NEDD4L: variants seen among roughly 807,000 people sequenced by gnomAD.
NEDD4L encodes the protein NEDD4 like E3 ubiquitin protein ligase, also known as E3 ubiquitin-protein ligase NEDD4-like.
In NEDD4L, 54 loss-of-function variants were observed where a neutral mutation model predicts 148.9. The ratio of observed to expected loss-of-function variants is 0.36; its 90% CI spans 0.29 to 0.45. NEDD4L has a LOEUF of 0.45. Ranked by LOEUF, NEDD4L falls within the 20% of genes least tolerant of loss-of-function variation. NEDD4L has a pLI of 1.00. For missense variants in NEDD4L, 856 were observed against 1,233.8 expected (o/e 0.69, Z 4.59); for synonymous variants, 433 against 440.7 (o/e 0.98, Z 0.22).
At chr18:58,191,326 C>G (rs916954380) in intron 2 of NEDD4L, among the ~76,000 whole-genome samples, 1 of 152,118 alleles carries the variant, frequency 6.6e-6, no homozygotes, top group African/African-American at 2.4e-5. Flanking sequence ...ATTTGACATG[C>G]TTTATTGCTG....
intron 2 of NEDD4L, among the ~76,000 whole-genome samples, chr18:58,237,815 T>G (rs158860): frequency 0.65 from 99,459 of 152,048 alleles, 33,311 homozygotes; most frequent in East Asian, 0.87. Flanking sequence ...TTGCCCCCTG[T>G]CTCCCAGGGG....
intron 1 of NEDD4L, among the ~76,000 whole-genome samples, chr18:58,118,355 G>A (rs2085994665): frequency 6.6e-6 from 1 of 152,236 alleles, no homozygotes; most frequent in Non-Finnish European, 1.5e-5. Context: ...GAACATTTTT[G>A]AGTAGATAAA....
intron 1 of NEDD4L, among the ~76,000 whole-genome samples, chr18:58,141,776 T>G (rs2033536886): frequency 6.6e-6 from 1 of 152,208 alleles, no homozygotes; most frequent in African/African-American, 2.4e-5. Flanking sequence ...AAAGTATACC[T>G]TGCCTGTCTC....
intron 1 of NEDD4L, among the ~76,000 whole-genome samples, chr18:58,097,878 A>G (rs2084518102): frequency 6.6e-6 from 1 of 152,088 alleles, no homozygotes. Context: ...CAAAAAATAA[A>G]AAATTAGCTG....
chr18:58,307,645 A>T (rs2057221264), intron 5 of NEDD4L, among the ~76,000 whole-genome samples: 1 of 152,172 alleles, frequency 6.6e-6, no homozygotes, highest in Non-Finnish European at 1.5e-5. Context: ...GACATTCTAC[A>T]TATCCCAACT....
At chr18:58,151,182 T>C (rs916754484) in intron 1 of NEDD4L, among the ~76,000 whole-genome samples, 3 of 152,192 alleles carry the variant, frequency 2.0e-5, no homozygotes, top group Non-Finnish European at 2.9e-5. Flanking sequence ...GACGGGTCTG[T>C]CTGGTACAGC....
chr18:58,145,112 AC>A (rs2033966112), intron 1 of NEDD4L, among the ~76,000 whole-genome samples: 1 of 151,970 alleles, frequency 6.6e-6, no homozygotes, highest in Non-Finnish European at 1.5e-5. Flanking sequence ...ACGACATCGG[AC>A]CCCACTGCCG....
intron 1 of NEDD4L, among the ~76,000 whole-genome samples, chr18:58,056,376 A>G (rs2082085561): frequency 6.6e-6 from 1 of 152,172 alleles, no homozygotes; most frequent in Admixed American, 6.5e-5. Context: ...AAGATAATTG[A>G]TAGTTGTCAT....
At chr18:58,072,281 C>A (rs934983817) in intron 1 of NEDD4L, among the ~76,000 whole-genome samples, 3 of 152,016 alleles carry the variant, frequency 2.0e-5, no homozygotes, top group Non-Finnish European at 4.4e-5. Flanking sequence ...AACTATGGAA[C>A]AATATCCCTT....
intron 2 of NEDD4L, among the ~76,000 whole-genome samples, chr18:58,190,569 C>T (rs2039994539): frequency 6.6e-6 from 1 of 152,116 alleles, no homozygotes. Flanking sequence ...AGTAGCATTA[C>T]CTCAGAGAAG....
intron 2 of NEDD4L, among the ~76,000 whole-genome samples, chr18:58,220,479 C>G (rs1294248425): frequency 1.3e-5 from 2 of 152,132 alleles, no homozygotes; most frequent in African/African-American, 4.8e-5. Flanking sequence ...AACCCTGGTG[C>G]CCACTTGCTC....
intron 5 of NEDD4L, among the ~76,000 whole-genome samples, chr18:58,263,574 TA>T (rs1280107140): frequency 1.3e-5 from 2 of 151,850 alleles, no homozygotes; most frequent in African/African-American, 4.8e-5. Flanking sequence ...GGTAGACTTT[TA>T]AAATACATTT....
chr18:58,335,672 A>G (rs1460527222), intron 13 of NEDD4L, 135 bp downstream of exon 13: 6 of 697,890 alleles, frequency 8.6e-6, no homozygotes, highest in African/African-American at 1.8e-5. Context: ...CACGTTTCTT[A>G]TTTTAAGCTT....
At chr18:58,123,016 A>G (rs1476911520) in intron 1 of NEDD4L, among the ~76,000 whole-genome samples, 4 of 152,180 alleles carry the variant, frequency 2.6e-5, no homozygotes, top group Admixed American at 1.3e-4. Flanking sequence ...TACAGGTGTG[A>G]GCCACTGCAC....
chr18:58,342,838 C>T (rs2042600169), intron 15 of NEDD4L, 68 bp from the exon 16 acceptor site: 3 of 1,281,358 alleles, frequency 2.3e-6, no homozygotes, highest in African/African-American at 1.5e-5. Flanking sequence ...TCTGCAATAC[C>T]CAGGTACATT....
intron 1 of NEDD4L, among the ~76,000 whole-genome samples, chr18:58,119,693 C>A (rs2086098144): frequency 6.6e-6 from 1 of 152,226 alleles, no homozygotes; most frequent in African/African-American, 2.4e-5. Context: ...GTGTAACTGT[C>A]CAGTTCGCCT....
At chr18:58,138,539 C>T (rs1299812308) in intron 1 of NEDD4L, among the ~76,000 whole-genome samples, 2 of 152,144 alleles carry the variant, frequency 1.3e-5, no homozygotes, top group Non-Finnish European at 1.5e-5. Context: ...CCTCTTCCCT[C>T]CTTGGCTGAG....
At position 58,149,593 on chromosome 18, in the gene NEDD4L, G is replaced by A. The variant is rs988516972; in HGVS notation, c.49-16195G>A. 6.2e-6 allele frequency: 9 copies of A among 1,443,692 alleles called. No individual in the cohort carries two copies. In the Admixed American group the frequency reaches 1.4e-4, roughly 22 times the overall value. 89.4% of individuals were successfully genotyped at this position (1,443,692 alleles called of 1,614,324 possible). Reference sequence around the variant, plus strand: ...CGGTAAGACTTTGCTTGGTGGGGGAGGAGGTTTTACCTTCCTGTGGCATTC... The same window carrying A: ...CGGTAAGACTTTGCTTGGTGGGGGAAGAGGTTTTACCTTCCTGTGGCATTC... On this transcript the variant is annotated intron_variant, in intron 1 of 30. Transcript: ENST00000400345.
chr18:58,208,097 C>T (rs1410115061), intron 2 of NEDD4L, among the ~76,000 whole-genome samples: 2 of 152,178 alleles, frequency 1.3e-5, no homozygotes, highest in Non-Finnish European at 2.9e-5. Context: ...CTCACTGGAA[C>T]ATTAAATGGT....
Sources: gnomAD v4.1 joint callset for allele counts (sites outside exome capture counted in the v4.1 genomes callset) on GRCh38, gnomAD v4.1.1 for gene constraint, MANE v1.5 for transcripts, NCBI Gene and HGNC (gene_info 2026-07-23, HGNC 2026-07-21) for gene names.